The following NELL1 variants were observed in gnomAD, a reference collection of about 807,000 sequenced individuals.
NELL1 encodes neural EGFL like 1, also known as protein kinase C-binding protein NELL1.
Under a neutral mutation model 107.4 loss-of-function variants are expected in NELL1, and 76 were observed. The ratio of observed to expected loss-of-function variants is 0.71; its 90% CI spans 0.59 to 0.86. NELL1 has a LOEUF of 0.86. Ranked by LOEUF, NELL1 falls within the 40% of genes least tolerant of loss-of-function variation. The probability of loss-of-function intolerance (pLI) is 0.00; values close to 1 mark genes in which losing one functional copy is unlikely to be tolerated. For missense variants in NELL1, 1,024 were observed against 1,005.5 expected (o/e 1.02, Z -0.25); for synonymous variants, 353 against 341.2 (o/e 1.03, Z -0.38).
chr11:21,316,926 T>C (rs768238514), intron 14 of NELL1, among the ~76,000 whole-genome samples: 10 of 152,122 alleles, frequency 6.6e-5, no homozygotes, highest in Admixed American at 1.3e-4. Context: ...TGGGAACACA[T>C]ACATTATTAT....
At chr11:21,252,160 G>A (rs1033084641) in intron 14 of NELL1, among the ~76,000 whole-genome samples, 1 of 152,178 alleles carries the variant, frequency 6.6e-6, no homozygotes, top group African/African-American at 2.4e-5. Flanking sequence ...CACACAGTTA[G>A]TAAATGGCAG....
At chr11:20,675,777 C>A (rs1000937291) in intron 1 of NELL1, among the ~76,000 whole-genome samples, 1 of 151,890 alleles carries the variant, frequency 6.6e-6, no homozygotes. Flanking sequence ...TTTTTCTTTT[C>A]TTTTCTTTTT....
intron 2 of NELL1, among the ~76,000 whole-genome samples, chr11:20,732,629 G>T (rs1048607947): frequency 6.6e-6 from 1 of 152,152 alleles, no homozygotes; most frequent in Non-Finnish European, 1.5e-5. Context: ...GGCTGGGAAA[G>T]GCTGAGAAGT....
chr11:21,170,119 C>A, intron 13 of NELL1: 1 of 745,988 alleles, frequency 1.3e-6, no homozygotes, highest in South Asian at 1.6e-5. Context: ...AACCACCCTT[C>A]AGGTCCACTT....
At chr11:21,090,253 TTTG>T (rs1854491523) in intron 12 of NELL1, among the ~76,000 whole-genome samples, 1 of 152,102 alleles carries the variant, frequency 6.6e-6, no homozygotes, top group East Asian at 1.9e-4. Flanking sequence ...AACGACCTCA[TTTG>T]TTGTTGTTGA....
intron 14 of NELL1, among the ~76,000 whole-genome samples, chr11:21,231,211 A>C (rs1304665926): frequency 6.6e-6 from 1 of 152,174 alleles, no homozygotes; most frequent in Non-Finnish European, 1.5e-5. Flanking sequence ...TCAAATATCT[A>C]AGTTAATATT....
intron 12 of NELL1, among the ~76,000 whole-genome samples, chr11:20,961,837 G>C (rs377136394): frequency 1.3e-5 from 2 of 151,982 alleles, no homozygotes; most frequent in South Asian, 2.1e-4. Flanking sequence ...CCAATTCCCT[G>C]CATATACCCA....
intron 13 of NELL1, among the ~76,000 whole-genome samples, chr11:21,123,367 G>GCA (rs5790164): frequency 8.3e-5 from 4 of 47,938 alleles, no homozygotes; most frequent in Non-Finnish European, 1.7e-4. Context: ...GTGTGTGTGT[G>GCA]CGTTTCCATG....
At chr11:21,149,181 C>T (rs1856054037) in intron 13 of NELL1, among the ~76,000 whole-genome samples, 1 of 152,212 alleles carries the variant, frequency 6.6e-6, no homozygotes, top group African/African-American at 2.4e-5. Flanking sequence ...GGCCTGGCTG[C>T]TGAGGAGTCT....
chr11:21,481,466 C>T (rs1854490163), intron 15 of NELL1, among the ~76,000 whole-genome samples: 1 of 152,152 alleles, frequency 6.6e-6, no homozygotes, highest in Non-Finnish European at 1.5e-5. Context: ...ATGTTAGTAG[C>T]AGAGAGAGTA....
intron 2 of NELL1, among the ~76,000 whole-genome samples, chr11:20,707,770 G>T (rs974736293): frequency 1.3e-5 from 2 of 152,130 alleles, no homozygotes; most frequent in African/African-American, 4.8e-5. Flanking sequence ...AGAGGTGTCA[G>T]TCGGTTAGGC....
chr11:21,477,897 TA>T (rs1854388191), intron 15 of NELL1, among the ~76,000 whole-genome samples: 2 of 121,832 alleles, frequency 1.6e-5, no homozygotes, highest in Non-Finnish European at 3.3e-5. Flanking sequence ...AATAAAATTA[TA>T]AAAATTATAA....
intron 2 of NELL1, among the ~76,000 whole-genome samples, chr11:20,682,011 CA>C (rs751761575): frequency 1.3e-5 from 2 of 152,060 alleles, no homozygotes; most frequent in Non-Finnish European, 2.9e-5. Flanking sequence ...ATTCTCATCT[CA>C]AGATTCATAA....
Position 20,669,664 on chromosome 11 carries a change from A to T in NELL1, c.-60A>T. 6.9e-7 allele frequency: 1 copy of T among 1,452,078 alleles called. No individual in the cohort carries two copies. The highest frequency in any genetic ancestry group is 2.3e-5 in the East Asian group (1 of 43,602). 89.9% of individuals were successfully genotyped at this position (1,452,078 alleles called of 1,614,324 possible). On this transcript the variant is annotated 5_prime_UTR_variant, in exon 1 of 20. Transcript: ENST00000357134. The surrounding 1 kb of genome is among the most constrained non-coding windows in gnomAD (Gnocchi z 4.4). Reference sequence around the variant, plus strand: ...CCAAGCCAGGCGCGCCTCAGGATCCAGGCTCATTTGCTTCCACCTAGCTTC... The same window carrying T: ...CCAAGCCAGGCGCGCCTCAGGATCCTGGCTCATTTGCTTCCACCTAGCTTC...
intron 14 of NELL1, among the ~76,000 whole-genome samples, chr11:21,342,915 A>G (rs1466137628): frequency 1.3e-5 from 2 of 152,054 alleles, no homozygotes; most frequent in South Asian, 2.1e-4. Context: ...GTTTTTGGTT[A>G]GCATCATTTA....
intron 5 of NELL1, among the ~76,000 whole-genome samples, chr11:20,890,816 A>G (rs1286093842): frequency 6.6e-6 from 1 of 152,116 alleles, no homozygotes; most frequent in Non-Finnish European, 1.5e-5. Context: ...AAGAAAAGAG[A>G]ATGAAAAGGA....
chr11:21,460,731 C>T (rs1379731503), intron 15 of NELL1, among the ~76,000 whole-genome samples: 1 of 152,058 alleles, frequency 6.6e-6, no homozygotes. Context: ...CTGTAACTAG[C>T]CTATTTCTAT....
intron 2 of NELL1, among the ~76,000 whole-genome samples, chr11:20,767,440 G>A (rs327024): frequency 0.072 from 10,958 of 152,164 alleles, 1,345 homozygotes; most frequent in African/African-American, 0.25. Context: ...AGCTAGACAC[G>A]GAGCACTGAT....
intron 12 of NELL1, among the ~76,000 whole-genome samples, chr11:21,071,789 A>C (rs775238457): frequency 3.3e-5 from 5 of 152,176 alleles, no homozygotes; most frequent in Non-Finnish European, 5.9e-5. Flanking sequence ...AAGTTCTTTG[A>C]GTCCTTTTGG....
Sources: allele counts gnomAD v4.1 joint callset (sites outside exome capture counted in the v4.1 genomes callset), GRCh38; gene constraint gnomAD v4.1.1; non-coding constraint Gnocchi (gnomAD v3.1); transcripts MANE v1.5; gene names NCBI Gene and HGNC (gene_info 2026-07-23, HGNC 2026-07-21).